Variants in TMCC3 observed in about 807,000 individuals in gnomAD.
TMCC3 encodes transmembrane and coiled-coil domain protein 3.
A neutral mutation model predicts 40.2 loss-of-function variants in TMCC3; 28 were observed. The ratio of observed to expected loss-of-function variants is 0.70; its 90% CI spans 0.52 to 0.95. The LOEUF is 0.95. Ranked by LOEUF, TMCC3 falls within the 40% of genes least tolerant of loss-of-function variation. The pLI is 0.00. For missense variants in TMCC3, 554 were observed against 615.2 expected, an observed-to-expected ratio of 0.90 and a Z score of 1.05; for synonymous variants, 255 against 248.5, an observed-to-expected ratio of 1.03 and a Z score of -0.25.
chr12:94,598,243 T>G (rs1446145964), intron 1 of TMCC3, among the ~76,000 whole-genome samples: 1 of 152,248 alleles, frequency 6.6e-6, no homozygotes, highest in Non-Finnish European at 1.5e-5. Context: ...CAAGTGCACC[T>G]GGCTCCAGGA....
intron 1 of TMCC3, among the ~76,000 whole-genome samples, chr12:94,599,650 T>C (rs371109267): frequency 6.6e-6 from 1 of 151,518 alleles, no homozygotes; most frequent in East Asian, 1.9e-4. Context: ...AGGTACTTTA[T>C]GTAAAATAAC....
intron 1 of TMCC3, among the ~76,000 whole-genome samples, chr12:94,640,637 T>C (rs1022841604): frequency 6.6e-6 from 1 of 152,180 alleles, no homozygotes; most frequent in African/African-American, 2.4e-5. Flanking sequence ...GGTATGAGGC[T>C]GTGTGTCGTA....
chr12:94,604,864 G>A (rs1304734630), intron 1 of TMCC3, among the ~76,000 whole-genome samples: 1 of 147,132 alleles, frequency 6.8e-6, no homozygotes, highest in Admixed American at 6.8e-5. Context: ...GAGGAAATAA[G>A]CAGGGGGCTT....
At position 94,582,508 on chromosome 12, in the gene TMCC3, G is replaced by C; in HGVS notation, c.109C>G (p.Leu37Val). ...CCCCCTCGGCGTATGTTCAGGGGCA[G>C]GCTTAAGGTATTCATGTCATGACGT... is the stretch of plus-strand genomic sequence containing the variant. Reference protein sequence around the residue: ...VERHDMNTLSLPLNIRRGGSD... With the variant: ...VERHDMNTLSVPLNIRRGGSD... The change falls in exon 2 of 4, where the codon CTG becomes GTG. Residue 37 changes from leucine to valine, a missense_variant. Transcript: ENST00000261226. The C allele has an allele frequency of 6.2e-7, 1 of 1,611,008 alleles. No homozygotes were observed. Among genetic ancestry groups the C allele is most frequent in the Non-Finnish European group, 8.5e-7 (1 of 1,179,100 alleles).
rs938734826 is a variant in TMCC3 at position 94,568,558 on chromosome 12, C to T, written c.*2877G>A. On this transcript the variant is annotated 3_prime_UTR_variant, in exon 4 of 4. Transcript: ENST00000261226. ...CAAACATAAATTAAATATCCAATTCCAGCATATGTTACAGCTACATCACTA... is the reference window on the plus strand; with the variant it reads ...CAAACATAAATTAAATATCCAATTCTAGCATATGTTACAGCTACATCACTA... 1 of 152,154 alleles carries T rather than the reference C, an allele frequency of 6.6e-6. No individual in the cohort carries two copies. Among genetic ancestry groups the T allele is most frequent in the Non-Finnish European group, 1.5e-5 (1 of 68,036 alleles). The allele number at this position is 152,154 out of a possible 1,614,324, so 9.4% of individuals were successfully genotyped here.
At chr12:94,600,675 C>G (rs192225813) in intron 1 of TMCC3, among the ~76,000 whole-genome samples, 4 of 152,150 alleles carry the variant, frequency 2.6e-5, no homozygotes, top group African/African-American at 9.7e-5. Flanking sequence ...CATTCCCTTC[C>G]GGACACAGCA....
intron 1 of TMCC3, chr12:94,615,930 C>T (rs2068845464): frequency 1.6e-5 from 16 of 985,456 alleles, no homozygotes; most frequent in Non-Finnish European, 1.9e-5. Context: ...TACCAAGGGC[C>T]ACACAGCAAA....
chr12:94,582,965 C>CTTTT (rs753900771), intron 1 of TMCC3, among the ~76,000 whole-genome samples: 2 of 59,948 alleles, frequency 3.3e-5, no homozygotes, highest in African/African-American at 9.9e-5. Flanking sequence ...GAAGGAGAAT[C>CTTTT]TTTTTTTTTT....
chr12:94,577,551 C>T (rs756654630), intron 3 of TMCC3, among the ~76,000 whole-genome samples: 1 of 152,140 alleles, frequency 6.6e-6, no homozygotes, highest in African/African-American at 2.4e-5. Flanking sequence ...ATATGACAGA[C>T]GTGGGACTGA....
intron 1 of TMCC3, among the ~76,000 whole-genome samples, chr12:94,625,261 T>C (rs1053189426): frequency 6.6e-6 from 1 of 151,198 alleles, no homozygotes; most frequent in Non-Finnish European, 1.5e-5. Context: ...TATCTTTTGG[T>C]GGGGGACACA....
intron 1 of TMCC3, among the ~76,000 whole-genome samples, chr12:94,621,052 T>C (rs1038897157): frequency 2.0e-5 from 3 of 152,214 alleles, no homozygotes; most frequent in Non-Finnish European, 4.4e-5. Context: ...TTGAATCTTC[T>C]GTATATTTTT....
chr12:94,578,270 G>T, intron 3 of TMCC3, 124 bp downstream of exon 3: 1 of 1,159,382 alleles, frequency 8.6e-7, no homozygotes, highest in Non-Finnish European at 1.2e-6. Context: ...TGTTTGTGCA[G>T]AGAAAACATT....
chr12:94,632,097 A>T (rs2068936661), intron 1 of TMCC3, among the ~76,000 whole-genome samples: 2 of 152,254 alleles, frequency 1.3e-5, no homozygotes, highest in Admixed American at 1.3e-4. Context: ...ATTATGAAAA[A>T]GCAAAACTGT....
intron 1 of TMCC3, among the ~76,000 whole-genome samples, chr12:94,608,821 C>T (rs2068798645): frequency 6.6e-6 from 1 of 152,190 alleles, no homozygotes; most frequent in Admixed American, 6.6e-5. Flanking sequence ...GTTACTGTGC[C>T]TTCCACCTCC....
chr12:94,631,086 C>T (rs1330778936), intron 1 of TMCC3, among the ~76,000 whole-genome samples: 1 of 152,092 alleles, frequency 6.6e-6, no homozygotes, highest in Non-Finnish European at 1.5e-5. Flanking sequence ...CTTGACATGT[C>T]AAAAAATATA....
intron 1 of TMCC3, among the ~76,000 whole-genome samples, chr12:94,644,821 A>G (rs1360786682): frequency 6.6e-6 from 1 of 152,218 alleles, no homozygotes; most frequent in African/African-American, 2.4e-5. Flanking sequence ...ATCACTGCCC[A>G]ACCAGTTCCA....
chr12:94,611,401 C>T (rs2068814920), intron 1 of TMCC3, among the ~76,000 whole-genome samples: 1 of 152,088 alleles, frequency 6.6e-6, no homozygotes, highest in South Asian at 2.1e-4. Flanking sequence ...TTTTAAGGGA[C>T]CAATGCCACT....
chr12:94,571,599 C>T lies in TMCC3; in HGVS notation c.1270G>A (p.Val424Ile). The T allele has an allele frequency of 2.5e-6, 4 of 1,614,156 alleles. No individual in the cohort carries two copies. Among genetic ancestry groups the T allele is most frequent in the Non-Finnish European group, 3.4e-6 (4 of 1,180,040 alleles). Residue 424 changes from valine to isoleucine, a missense_variant, in exon 4 of 4, where the codon GTC (valine) becomes ATC (isoleucine). Transcript: ENST00000261226. ...ATGGTGGACACACACACTAAGATGA[C>T]AGTCATGAAGGCCAGGATCACGTTG... ...CINVILAFMT[V>I]ILVCVSTIAK...
intron 1 of TMCC3, among the ~76,000 whole-genome samples, chr12:94,637,613 C>T (rs2068967222): frequency 6.6e-6 from 1 of 152,212 alleles, no homozygotes; most frequent in South Asian, 2.1e-4. Flanking sequence ...AATGCACATG[C>T]CCTTTGGCTG....
Sources: allele counts gnomAD v4.1 joint callset (sites outside exome capture counted in the v4.1 genomes callset), GRCh38; gene constraint gnomAD v4.1.1; transcripts MANE v1.5; gene names NCBI Gene and HGNC (gene_info 2026-07-23, HGNC 2026-07-21).